The following CD72 variants were observed in gnomAD, a reference collection of about 807,000 sequenced individuals.
CD72 encodes CD72 molecule.
In CD72, 28 loss-of-function variants were observed where a neutral mutation model predicts 50.7. The observed-to-expected ratio is 0.55, with a 90% CI of 0.41 to 0.76. The LOEUF is 0.76. Ranked by LOEUF, CD72 falls within the 30% of genes least tolerant of loss-of-function variation. The pLI is 0.00. For synonymous variants in CD72, 176 were observed against 171.2 expected, an observed-to-expected ratio of 1.03 and a Z score of -0.22; for missense variants, 403 against 420.6, an observed-to-expected ratio of 0.96 and a Z score of 0.37.
rs1016794337 is a variant in CD72 at position 35,610,680 on chromosome 9, A to G, written c.1024T>C (p.Cys342Arg). Residue 342 changes from cysteine to arginine, a missense_variant, in exon 8 of 9, where the codon TGT becomes CGT. Physicochemically the swap from Cys to Arg is radical, Grantham distance 180. Coordinates refer to ENST00000259633, the MANE Select transcript of CD72 (RefSeq NM_001782.3). ...WSWWTLESES[C>R]RSSLPYICEM... ...CAGATGTAGGGAAGAGAACTTCTAC[A>G]TGACTCTGACTCCAGTGTCCACCAT... The G allele has an allele frequency of 2.5e-6, 4 of 1,613,206 alleles. No homozygotes were observed. Among genetic ancestry groups the G allele is most frequent in the African/African-American group, 2.7e-5 (2 of 74,890 alleles).
chr9:35,639,190 AT>A (rs997199300), intron 1 of CD72, among the ~76,000 whole-genome samples: 1 of 152,134 alleles, frequency 6.6e-6, no homozygotes, highest in Non-Finnish European at 1.5e-5. Flanking sequence ...AACTAAGTAA[AT>A]TTTTTTTCCC....
At chr9:35,612,767 G>C in intron 6 of CD72, 81 bp downstream of exon 6, 1 of 1,316,760 alleles carries the variant, frequency 7.6e-7, no homozygotes. Flanking sequence ...AGCCATGTGT[G>C]CACTGCCATT....
intron 1 of CD72, among the ~76,000 whole-genome samples, chr9:35,644,884 A>C (rs1267016887): frequency 6.7e-6 from 1 of 148,560 alleles, no homozygotes; most frequent in Non-Finnish European, 1.5e-5. Flanking sequence ...GATAGAAAAC[A>C]TAACTTTGAC....
chr9:35,627,059 C>T (rs1383474507), intron 1 of CD72, among the ~76,000 whole-genome samples: 1 of 151,684 alleles, frequency 6.6e-6, no homozygotes, highest in Non-Finnish European at 1.5e-5. Context: ...AGGATGGTCT[C>T]AATCTCCTGA....
intron 1 of CD72, among the ~76,000 whole-genome samples, chr9:35,643,890 G>A (rs1374106531): frequency 6.6e-6 from 1 of 152,090 alleles, no homozygotes; most frequent in African/African-American, 2.4e-5. Flanking sequence ...GGAGGCTGGG[G>A]CAGGAGAATT....
chr9:35,634,144 CTTT>C (rs1229785485), intron 1 of CD72, among the ~76,000 whole-genome samples: 2 of 151,606 alleles, frequency 1.3e-5, no homozygotes, highest in African/African-American at 4.8e-5. Context: ...GTTAACTCTT[CTTT>C]TTTTTAATCT....
At chr9:35,632,063 T>C (rs903078029) in intron 1 of CD72, among the ~76,000 whole-genome samples, 1 of 152,208 alleles carries the variant, frequency 6.6e-6, no homozygotes, top group African/African-American at 2.4e-5. Context: ...CAAGCTTTCC[T>C]CTTTCTCCTG....
chr9:35,635,994 A>C (rs955043084), intron 1 of CD72, among the ~76,000 whole-genome samples: 4 of 152,230 alleles, frequency 2.6e-5, no homozygotes, highest in Admixed American at 2.6e-4. Context: ...AAGTGTTGAA[A>C]GTAGTTACCT....
In CD72 at chr9:35,610,090, G is replaced by C. The variant is rs963450005; in HGVS notation, c.*233C>G. 8 of 263,916 alleles carry C rather than the reference G, an allele frequency of 3.0e-5. No individual in the cohort carries two copies. Among genetic ancestry groups the C allele is most frequent in the East Asian group, 1.6e-4 (2 of 12,530 alleles). The allele number at this position is 263,916 out of a possible 1,614,324, so 16.3% of individuals were successfully genotyped here. On this transcript the variant is annotated 3_prime_UTR_variant, in exon 9 of 9. Transcript: ENST00000259633. ...CCCATTCTACCATGGGAAGTTCTTG[G>C]GGGGAGGCCAAAGTCCCTTCTAGAG...
chr9:35,623,925 G>T (rs1424305234), upstream of CD72, among the ~76,000 whole-genome samples: 1 of 145,974 alleles, frequency 6.9e-6, no homozygotes, highest in African/African-American at 2.5e-5. Context: ...GAAAAAAATG[G>T]GTTAAAAAGA....
intron 3 of CD72, 98 bp from the exon 4 acceptor site, chr9:35,616,787 C>A: frequency 8.8e-7 from 1 of 1,137,382 alleles, no homozygotes; most frequent in Non-Finnish European, 1.3e-6. Context: ...GGGAAGGCAT[C>A]CCTAAGAGGA....
chr9:35,614,050 A>G (rs1219588589), intron 5 of CD72, among the ~76,000 whole-genome samples: 1 of 152,112 alleles, frequency 6.6e-6, no homozygotes, highest in East Asian at 1.9e-4. Flanking sequence ...TGTATGGCCA[A>G]ATGGAAGAGG....
At chr9:35,623,787 A>G (rs1051066636), upstream of CD72, among the ~76,000 whole-genome samples, 5 of 152,166 alleles carry the variant, frequency 3.3e-5, no homozygotes, top group African/African-American at 4.8e-5. Flanking sequence ...ATAGTGGTAC[A>G]TGCGTAATCC....
chr9:35,627,663 T>A (rs531000564), intron 1 of CD72, among the ~76,000 whole-genome samples: 36 of 152,200 alleles, frequency 2.4e-4, no homozygotes, highest in East Asian at 1.5e-3. Context: ...GCTCACCCAC[T>A]GGGCAAGTAA....
chr9:35,637,432 C>T (rs1484078498), intron 1 of CD72, among the ~76,000 whole-genome samples: 3 of 152,198 alleles, frequency 2.0e-5, no homozygotes, highest in Admixed American at 6.5e-5. Context: ...CCACCTACAA[C>T]CTCGGGTCCT....
intron 1 of CD72, among the ~76,000 whole-genome samples, chr9:35,634,532 T>C (rs2131785651): frequency 6.6e-6 from 1 of 152,296 alleles, no homozygotes; most frequent in South Asian, 2.1e-4. Context: ...TTTGTATTTT[T>C]AGTAGAGACA....
At chr9:35,624,484 T>C (rs1413141160), upstream of CD72, among the ~76,000 whole-genome samples, 2 of 152,152 alleles carry the variant, frequency 1.3e-5, no homozygotes, top group Non-Finnish European at 2.9e-5. Flanking sequence ...GAATTCTCCA[T>C]ACCTAGCGAT....
At position 35,618,360 on chromosome 9, in the gene CD72, C is replaced by T. The variant is rs989652816; in HGVS notation, c.-57G>A. ...CCCTGTCATCCACTGTCCTCCCTTG[C>T]CCCTCTCGTCTCTGTCCGTTTACAA... On this transcript the variant is annotated 5_prime_UTR_variant, in exon 1 of 9. Coordinates refer to ENST00000259633, the MANE Select transcript of CD72 (RefSeq NM_001782.3). 20 of 1,609,466 alleles carry T rather than the reference C, an allele frequency of 1.2e-5. No individual in the cohort carries two copies. Among genetic ancestry groups the T allele is most frequent in the Non-Finnish European group, 1.5e-5 (18 of 1,177,766 alleles).
chr9:35,644,590 T>A (rs1436200594), intron 1 of CD72, among the ~76,000 whole-genome samples: 1 of 152,160 alleles, frequency 6.6e-6, no homozygotes, highest in African/African-American at 2.4e-5. Context: ...GAAGAAATCA[T>A]AGGGCAGTTC....
Sources: gnomAD v4.1 joint callset for allele counts (sites outside exome capture counted in the v4.1 genomes callset) on GRCh38, gnomAD v4.1.1 for gene constraint, MANE v1.5 for transcripts, NCBI Gene and HGNC (gene_info 2026-07-23, HGNC 2026-07-21) for gene names.